KLHL29: variants seen among roughly 807,000 people sequenced by gnomAD.
KLHL29 encodes kelch-like protein 29.
KLHL29 carries 21 observed loss-of-function variants against 80.4 expected under a neutral mutation model. The observed-to-expected ratio is 0.26, with a 90% CI of 0.19 to 0.38. The LOEUF is 0.38. KLHL29 is among the 10% of genes least tolerant of loss of function. The probability of loss-of-function intolerance (pLI) is 1.00; values close to 1 mark genes in which losing one functional copy is unlikely to be tolerated. For missense variants in KLHL29, 867 were observed against 1,223.9 expected (o/e 0.71, Z 4.35); for synonymous variants, 511 against 526.8 (o/e 0.97, Z 0.41).
chr2:23,583,847 A>T (rs1668046956), intron 3 of KLHL29, among the ~76,000 whole-genome samples: 1 of 152,202 alleles, frequency 6.6e-6, no homozygotes, highest in Admixed American at 6.5e-5. Context: ...CTTCTCACAG[A>T]CTTTAATTCA....
intron 1 of KLHL29, among the ~76,000 whole-genome samples, chr2:23,463,834 TTTCAGCAC>T (rs1353254146): frequency 6.6e-6 from 1 of 152,236 alleles, no homozygotes; most frequent in East Asian, 1.9e-4. Flanking sequence ...AATGATTATA[TTTCAGCAC>T]TTCAGCACTA....
chr2:23,580,822 C>CA (rs1182875687), intron 3 of KLHL29, among the ~76,000 whole-genome samples: 1 of 99,076 alleles, frequency 1.0e-5, no homozygotes, highest in East Asian at 3.7e-4. Context: ...ACTAAGAATA[C>CA]AAAAAATTAG....
intron 2 of KLHL29, among the ~76,000 whole-genome samples, chr2:23,555,679 C>T (rs537103536): frequency 2.6e-5 from 4 of 152,332 alleles, no homozygotes; most frequent in Non-Finnish European, 5.9e-5. Flanking sequence ...CAGGTGAGCC[C>T]ACGCCTCATC....
Position 23,571,674 on chromosome 2 carries a change from C to A in KLHL29, c.285+9193C>A, listed in dbSNP as rs192233323. ...AGAAAAAAAGTCATCCTTCTCCCTCCAGACATTGTCGTGACTGGATATGTT... is the reference window on the plus strand; with the variant it reads ...AGAAAAAAAGTCATCCTTCTCCCTCAAGACATTGTCGTGACTGGATATGTT... On this transcript the variant is annotated intron_variant, in intron 3 of 13. Transcript: ENST00000486442. Among the ~76,000 whole-genome samples the A allele has an allele frequency of 2.6e-5, 4 of 152,312 alleles. No individual in the cohort carries two copies. The East Asian group carries it at 7.7e-4, about 29-fold the overall frequency.
intron 1 of KLHL29, among the ~76,000 whole-genome samples, chr2:23,401,899 C>A (rs970698918): frequency 7.2e-5 from 11 of 152,244 alleles, no homozygotes; most frequent in Non-Finnish European, 1.6e-4. Context: ...CTCGAGGTAA[C>A]TGCTTCAGGG....
chr2:23,609,422 G>A (rs1431400772), intron 3 of KLHL29, among the ~76,000 whole-genome samples: 2 of 152,146 alleles, frequency 1.3e-5, no homozygotes, highest in East Asian at 3.9e-4. Context: ...GCAGCAATCA[G>A]AGATGAGCTG....
chr2:23,616,596 A>C (rs1465508684), intron 3 of KLHL29: 1 of 152,222 alleles, frequency 6.6e-6, no homozygotes, highest in South Asian at 2.1e-4. Flanking sequence ...GAATAATAAA[A>C]ACCATCATTT....
intron 1 of KLHL29, among the ~76,000 whole-genome samples, chr2:23,387,504 TTTATTATTATTA>T (rs34918880): frequency 0.12 from 14,060 of 117,474 alleles, 1,058 homozygotes; most frequent in East Asian, 0.31. Flanking sequence ...TCATTCCTGA[TTTATTATTATTA>T]TTATTATTAT....
chr2:23,678,709 A>G (rs944218798), intron 5 of KLHL29, among the ~76,000 whole-genome samples: 1 of 152,260 alleles, frequency 6.6e-6, no homozygotes, highest in African/African-American at 2.4e-5. Flanking sequence ...GTATCTACAT[A>G]CAGTGGAATA....
intron 3 of KLHL29, among the ~76,000 whole-genome samples, chr2:23,604,429 G>A (rs1249688086): frequency 6.6e-6 from 1 of 152,212 alleles, no homozygotes; most frequent in African/African-American, 2.4e-5. Context: ...AACTGAGGCA[G>A]TTGCTGCTGG....
At chr2:23,683,608 C>G (rs1359176312) in intron 5 of KLHL29, among the ~76,000 whole-genome samples, 1 of 152,192 alleles carries the variant, frequency 6.6e-6, no homozygotes, top group African/African-American at 2.4e-5. Flanking sequence ...GCCCCAGGTC[C>G]AAGACACCGG....
chr2:23,703,598 CCAAT>C, intron 12 of KLHL29, 117 bp from the exon 13 acceptor site: 3 of 1,270,390 alleles, frequency 2.4e-6, no homozygotes, highest in Non-Finnish European at 2.1e-6. Flanking sequence ...CATCCCCAGG[CCAAT>C]CAGTCACTTG....
In KLHL29 at chr2:23,506,573, G is replaced by A. The variant is rs191212716; in HGVS notation, c.-46+30906G>A. Among the ~76,000 whole-genome samples the A allele has an allele frequency of 2.1e-3, 324 of 152,278 alleles. 2 individuals carry two copies. Among genetic ancestry groups the A allele is most frequent in the African/African-American group, 7.4e-3 (306 of 41,552 alleles). On this transcript the variant is annotated intron_variant, in intron 2 of 13. Coordinates refer to ENST00000486442, the MANE Select transcript of KLHL29 (RefSeq NM_052920.2). Reference sequence around the variant, plus strand: ...CTTTTTGACCACTCTGGCCCAAGTGGGGTACTCAAGGCTGTTTCCTTCCTC... The same window carrying A: ...CTTTTTGACCACTCTGGCCCAAGTGAGGTACTCAAGGCTGTTTCCTTCCTC...
In KLHL29 at chr2:23,556,493, A is replaced by G. The variant is rs1667299971; in HGVS notation, c.-45-5659A>G. Among the ~76,000 whole-genome samples the G allele has an allele frequency of 2.0e-5, 3 of 152,008 alleles. No homozygotes were observed. The South Asian group carries it at 6.2e-4, about 32-fold the overall frequency. On this transcript the variant is annotated intron_variant, in intron 2 of 13. Coordinates refer to ENST00000486442, the MANE Select transcript of KLHL29 (RefSeq NM_052920.2). ...ATTTCTACCAAAAAAAAAACAAAAA[A>G]AATACAAAAATTAGCGGGTGTGGTG...
chr2:23,534,689 G>A (rs1426366832), intron 2 of KLHL29, among the ~76,000 whole-genome samples: 1 of 152,180 alleles, frequency 6.6e-6, no homozygotes, highest in Non-Finnish European at 1.5e-5. Context: ...CTCATAGAGT[G>A]GATGTGTTTT....
chr2:23,561,041 C>T (rs1212557554), intron 2 of KLHL29, among the ~76,000 whole-genome samples: 2 of 152,170 alleles, frequency 1.3e-5, no homozygotes, highest in South Asian at 2.1e-4. Flanking sequence ...GACTGGAAAA[C>T]AGTTGGAGAA....
At chr2:23,416,955 T>C (rs1338182584) in intron 1 of KLHL29, among the ~76,000 whole-genome samples, 1 of 152,168 alleles carries the variant, frequency 6.6e-6, no homozygotes, top group African/African-American at 2.4e-5. Flanking sequence ...TTTGAGCCCT[T>C]CTGAAGCTGA....
chr2:23,704,770 A>G (rs1412912391), intron 13 of KLHL29, among the ~76,000 whole-genome samples: 2 of 152,172 alleles, frequency 1.3e-5, no homozygotes, highest in East Asian at 3.9e-4. Context: ...CCGTCTCACA[A>G]AAAAGAAGGG....
chr2:23,477,147 C>T (rs1664661765), intron 2 of KLHL29, among the ~76,000 whole-genome samples: 1 of 152,250 alleles, frequency 6.6e-6, no homozygotes, highest in African/African-American at 2.4e-5. Context: ...TGGGTGAGCA[C>T]AGGCCATAGC....
Sources: gnomAD v4.1 joint callset for allele counts (sites outside exome capture counted in the v4.1 genomes callset) on GRCh38, gnomAD v4.1.1 for gene constraint, MANE v1.5 for transcripts, NCBI Gene and HGNC (gene_info 2026-07-23, HGNC 2026-07-21) for gene names.